The following ITSN1 variants were observed in gnomAD, a reference collection of about 807,000 sequenced individuals.
The protein encoded by ITSN1 is intersectin 1, also known as intersectin-1.
ITSN1 carries 58 observed loss-of-function variants against 239.8 expected under a neutral mutation model. The ratio of observed to expected loss-of-function variants is 0.24; its 90% CI spans 0.20 to 0.30. The LOEUF (loss-of-function observed/expected upper bound fraction) is 0.30, where lower values mean the gene tolerates loss of function less well. Among genes scored for constraint, ITSN1 ranks in the 10% least tolerant of loss-of-function variants. The pLI is 1.00. For missense variants in ITSN1, 1,558 were observed against 2,103.3 expected, an observed-to-expected ratio of 0.74 and a Z score of 5.07; for synonymous variants, 780 against 770.8, an observed-to-expected ratio of 1.01 and a Z score of -0.20.
At chr21:33,729,822 T>A (rs2066057458) in intron 4 of ITSN1, among the ~76,000 whole-genome samples, 1 of 152,186 alleles carries the variant, frequency 6.6e-6, no homozygotes, top group South Asian at 2.1e-4. Flanking sequence ...TGTTTGACCT[T>A]TTATTTGTAG....
Position 33,891,865 on chromosome 21 carries a change from G to C in ITSN1, c.*3565G>C, listed in dbSNP as rs575454129. On this transcript the variant is annotated 3_prime_UTR_variant, in exon 40 of 40. Coordinates refer to ENST00000381318, the MANE Select transcript of ITSN1 (RefSeq NM_003024.3). ...AAGTCGTTTTTTTCTAGTTGATTGG[G>C]CCTTTTTGATTGATAAGAAGAAAAT... The C allele has an allele frequency of 5.3e-5, 8 of 152,248 alleles. No individual in the cohort carries two copies. Among genetic ancestry groups the C allele is most frequent in the East Asian group, 3.9e-4 (2 of 5,190 alleles). 9.4% of individuals were successfully genotyped at this position (152,248 alleles called of 1,614,324 possible). A position where few individuals can be genotyped will look rare whatever the true frequency, so the allele number is the denominator to read the frequency against.
chr21:33,713,365 G>T (rs9974830), intron 1 of ITSN1, among the ~76,000 whole-genome samples: 48,574 of 151,514 alleles, frequency 0.32, 8,128 homozygotes, highest in East Asian at 0.57. Context: ...TCAGCCTCCC[G>T]AGTAGCTGGG....
chr21:33,679,934 G>A (rs1022280299), intron 1 of ITSN1, among the ~76,000 whole-genome samples: 3 of 152,064 alleles, frequency 2.0e-5, no homozygotes, highest in African/African-American at 4.8e-5. Context: ...TCCTGACCTC[G>A]TGATCCGCCT....
intron 18 of ITSN1, among the ~76,000 whole-genome samples, chr21:33,799,087 T>G (rs2071781386): frequency 6.6e-6 from 1 of 152,206 alleles, no homozygotes; most frequent in African/African-American, 2.4e-5. Context: ...TCAAAATACT[T>G]GTAGCTCTTG....
intron 20 of ITSN1, among the ~76,000 whole-genome samples, chr21:33,804,629 C>T (rs2072264716): frequency 6.6e-6 from 1 of 152,102 alleles, no homozygotes; most frequent in African/African-American, 2.4e-5. Flanking sequence ...CTGGAACTCC[C>T]AATACTTGGA....
chr21:33,676,194 G>T (rs1000409754), intron 1 of ITSN1, among the ~76,000 whole-genome samples: 1 of 151,940 alleles, frequency 6.6e-6, no homozygotes, highest in Non-Finnish European at 1.5e-5. Flanking sequence ...CGTTGGTCAG[G>T]CTGGTTTCAA....
chr21:33,862,643 A>G (rs887861871), intron 31 of ITSN1, among the ~76,000 whole-genome samples: 3 of 152,132 alleles, frequency 2.0e-5, no homozygotes, highest in African/African-American at 4.8e-5. Flanking sequence ...AGGTGCCCAG[A>G]GCAGCTTGGA....
intron 16 of ITSN1, among the ~76,000 whole-genome samples, chr21:33,792,168 A>G (rs1346610472): frequency 6.6e-6 from 1 of 152,168 alleles, no homozygotes; most frequent in Non-Finnish European, 1.5e-5. Flanking sequence ...ACCTGAGATT[A>G]GAATCCTGGT....
chr21:33,736,910 A>G (rs2066537113), intron 5 of ITSN1, among the ~76,000 whole-genome samples: 1 of 152,192 alleles, frequency 6.6e-6, no homozygotes, highest in African/African-American at 2.4e-5. Context: ...ACTTGAGCAC[A>G]AGAGGTCAAG....
intron 29 of ITSN1, among the ~76,000 whole-genome samples, chr21:33,839,226 C>A (rs1419733492): frequency 2.0e-5 from 3 of 152,184 alleles, no homozygotes. Context: ...AAACAGAAAA[C>A]CAAACTCCTG....
intron 1 of ITSN1, among the ~76,000 whole-genome samples, chr21:33,661,975 A>C (rs1309372767): frequency 6.6e-6 from 1 of 152,032 alleles, no homozygotes; most frequent in Non-Finnish European, 1.5e-5. Context: ...AACCCCCATG[A>C]AAGGGTCTTA....
chr21:33,721,780 C>T (rs970389489), intron 3 of ITSN1, among the ~76,000 whole-genome samples: 23 of 151,134 alleles, frequency 1.5e-4, no homozygotes, highest in African/African-American at 4.9e-4. Context: ...GGTGACAGAG[C>T]GAGACTCCAT....
At chr21:33,690,208 G>T (rs1354953018) in intron 1 of ITSN1, among the ~76,000 whole-genome samples, 2 of 151,916 alleles carry the variant, frequency 1.3e-5, no homozygotes, top group Non-Finnish European at 2.9e-5. Context: ...AACCTGGGAG[G>T]TGGAGGTTGT....
intron 9 of ITSN1, among the ~76,000 whole-genome samples, chr21:33,765,136 A>T (rs1200951968): frequency 6.6e-6 from 1 of 152,200 alleles, no homozygotes; most frequent in Non-Finnish European, 1.5e-5. Flanking sequence ...TATGATAAGG[A>T]TTGTATGTCT....
In ITSN1 at chr21:33,875,537, G is replaced by T; in HGVS notation, c.4341+16G>T. On this transcript the variant is annotated intron_variant, in intron 34 of 39. Transcript: ENST00000381318. ...CCTGTCTGAGGTAGCCAACCTTGGGGCTGGGCCCTGGTCTCCCCCGGCAGA... is the reference window on the plus strand; with the variant it reads ...CCTGTCTGAGGTAGCCAACCTTGGGTCTGGGCCCTGGTCTCCCCCGGCAGA... 1 of 1,610,358 alleles carries T rather than the reference G, an allele frequency of 6.2e-7. No homozygotes were observed. The highest frequency in any genetic ancestry group is 8.5e-7 in the Non-Finnish European group (1 of 1,177,352).
intron 27 of ITSN1, among the ~76,000 whole-genome samples, chr21:33,834,076 C>T (rs1236401642): frequency 6.6e-6 from 1 of 152,188 alleles, no homozygotes; most frequent in African/African-American, 2.4e-5. Context: ...GTGATCCACA[C>T]AGTCTAGCCG....
Position 33,774,961 on chromosome 21 carries a change from G to C in ITSN1, c.1456-7G>C. 1 of 1,609,556 alleles carries C rather than the reference G, an allele frequency of 6.2e-7. No homozygotes were observed. Among genetic ancestry groups the C allele is most frequent in the East Asian group, 2.2e-5 (1 of 44,838 alleles). On this transcript the variant is annotated splice_polypyrimidine_tract_variant and splice_region_variant and intron_variant, in intron 13 of 39. Coordinates refer to ENST00000381318, the MANE Select transcript of ITSN1 (RefSeq NM_003024.3). ...TAATAATTTTTATTATCTTTCATTTGTTCAAGAATGATAAAAAGCATCAAC... is the reference window on the plus strand; with the variant it reads ...TAATAATTTTTATTATCTTTCATTTCTTCAAGAATGATAAAAAGCATCAAC...
At chr21:33,658,269 G>T (rs2089258781) in intron 1 of ITSN1, among the ~76,000 whole-genome samples, 1 of 152,130 alleles carries the variant, frequency 6.6e-6, no homozygotes, top group Non-Finnish European at 1.5e-5. Context: ...AGGAAGAAGG[G>T]TTGGTCTTAC....
intron 10 of ITSN1, among the ~76,000 whole-genome samples, chr21:33,766,519 C>T (rs978618956): frequency 1.3e-5 from 2 of 152,206 alleles, no homozygotes; most frequent in Admixed American, 1.3e-4. Context: ...CATTTACATC[C>T]ATGCATGCAT....
Sources: gnomAD v4.1 joint callset for allele counts (sites outside exome capture counted in the v4.1 genomes callset) on GRCh38, gnomAD v4.1.1 for gene constraint, MANE v1.5 for transcripts, NCBI Gene and HGNC (gene_info 2026-07-23, HGNC 2026-07-21) for gene names.